CHIC2: variants seen among roughly 807,000 people sequenced by gnomAD.
CHIC2 encodes the protein cysteine-rich hydrophobic domain-containing protein 2.
Under a neutral mutation model 25.9 loss-of-function variants are expected in CHIC2, and 14 were observed. That is an observed-to-expected ratio of 0.54 (90% CI 0.36 to 0.85). CHIC2 has a LOEUF of 0.85. Ranked by LOEUF, CHIC2 falls within the 40% of genes least tolerant of loss-of-function variation. The pLI, the probability that CHIC2 is intolerant of heterozygous loss-of-function variation, is 0.01. For missense variants in CHIC2, 146 were observed against 202.0 expected, an observed-to-expected ratio of 0.72 and a Z score of 1.68; for synonymous variants, 70 against 72.0, an observed-to-expected ratio of 0.97 and a Z score of 0.14.
At chr4:54,075,310 T>G in the CHIC2 span, among the ~76,000 whole-genome samples, 1 of 152,288 alleles carries the variant, frequency 6.6e-6, no homozygotes, top group Non-Finnish European at 1.5e-5. Context: ...TAATGGACTA[T>G]GAGGTAATCT....
chr4:54,042,621 T>C (rs899806052), intron 3 of CHIC2, among the ~76,000 whole-genome samples: 12 of 152,028 alleles, frequency 7.9e-5, no homozygotes, highest in African/African-American at 2.9e-4. Flanking sequence ...AAGAGAGACA[T>C]AGCAGGCATT....
chr4:54,044,975 C>T (rs536155052), intron 3 of CHIC2, among the ~76,000 whole-genome samples: 39 of 151,358 alleles, frequency 2.6e-4, no homozygotes, highest in African/African-American at 9.2e-4. Flanking sequence ...ATATCACCAC[C>T]GATCCCACAG....
intron 3 of CHIC2, among the ~76,000 whole-genome samples, chr4:54,042,725 G>A (rs1030424823): frequency 2.0e-5 from 3 of 151,828 alleles, no homozygotes; most frequent in African/African-American, 7.3e-5. Flanking sequence ...ACGAAAAAAT[G>A]TTCTGTAGTG....
chr4:54,047,591 T>A (rs113327779), intron 3 of CHIC2, among the ~76,000 whole-genome samples: 1 of 143,656 alleles, frequency 7.0e-6, no homozygotes, highest in Non-Finnish European at 1.5e-5. Flanking sequence ...TAGGTGGGAA[T>A]TGAACAATGA....
chr4:54,016,630 C>G (rs1715745747), intron 3 of CHIC2, among the ~76,000 whole-genome samples: 1 of 151,970 alleles, frequency 6.6e-6, no homozygotes, highest in Non-Finnish European at 1.5e-5. Flanking sequence ...TGAATTAGCA[C>G]CATCTAATTT....
the CHIC2 span, among the ~76,000 whole-genome samples, chr4:54,074,998 C>A: frequency 1.9e-4 from 29 of 152,198 alleles, no homozygotes; most frequent in African/African-American, 7.0e-4. Flanking sequence ...GTAGTCCCAG[C>A]TACTCAGGAG....
intron 1 of CHIC2, among the ~76,000 whole-genome samples, chr4:54,062,302 G>A (rs563822651): frequency 6.6e-6 from 1 of 151,642 alleles, no homozygotes; most frequent in East Asian, 1.9e-4. Context: ...TTTCAATCTT[G>A]GCTACACATT....
chr4:54,053,108 A>G (rs751486657), intron 1 of CHIC2, among the ~76,000 whole-genome samples: 1 of 152,216 alleles, frequency 6.6e-6, no homozygotes, highest in Non-Finnish European at 1.5e-5. Context: ...TTATTTATGT[A>G]TCTTCAGTAT....
chr4:54,059,476 G>C (rs1227608752), intron 1 of CHIC2: 1 of 151,864 alleles, frequency 6.6e-6, no homozygotes. Flanking sequence ...AGGAGGTCAA[G>C]GCCACAGTAG....
intron 3 of CHIC2, 199 bp downstream of exon 3, chr4:54,048,756 T>C (rs1716909678): frequency 2.4e-6 from 1 of 414,878 alleles, no homozygotes; most frequent in African/African-American, 2.1e-5. Context: ...AAATTATAAA[T>C]ATAATTTTTA....
intron 3 of CHIC2, among the ~76,000 whole-genome samples, chr4:54,037,080 G>T (rs966888822): frequency 3.9e-5 from 6 of 152,056 alleles, no homozygotes; most frequent in African/African-American, 9.7e-5. Context: ...AGAAAAAGGG[G>T]CTGGCCAAGC....
chr4:54,028,554 T>C (rs548867932), intron 3 of CHIC2, among the ~76,000 whole-genome samples: 2 of 152,378 alleles, frequency 1.3e-5, no homozygotes, highest in South Asian at 4.1e-4. Flanking sequence ...GAGTAAGGAC[T>C]CAACTTTCTG....
chr4:54,023,885 G>A (rs1207938485), intron 3 of CHIC2, among the ~76,000 whole-genome samples: 5 of 152,168 alleles, frequency 3.3e-5, no homozygotes, highest in Non-Finnish European at 5.9e-5. Flanking sequence ...CCGTGCAAGG[G>A]TCCTCCATCA....
At chr4:54,034,673 T>G (rs889968101) in intron 3 of CHIC2, among the ~76,000 whole-genome samples, 1 of 152,346 alleles carries the variant, frequency 6.6e-6, no homozygotes, top group East Asian at 1.9e-4. Context: ...CTATTGAATT[T>G]TCTTCATAGA....
At chr4:54,025,685 C>A (rs1716037421) in intron 3 of CHIC2, among the ~76,000 whole-genome samples, 1 of 151,638 alleles carries the variant, frequency 6.6e-6, no homozygotes, top group Non-Finnish European at 1.5e-5. Context: ...ATGGTGAAAA[C>A]CCATGTCTAC....
At chr4:54,054,172 G>C (rs765924112) in intron 1 of CHIC2, among the ~76,000 whole-genome samples, 11 of 152,192 alleles carry the variant, frequency 7.2e-5, no homozygotes, top group Non-Finnish European at 4.4e-5. Context: ...GGTATTTTAA[G>C]ATAAGTAAAC....
the CHIC2 span, among the ~76,000 whole-genome samples, chr4:54,070,381 ATTAT>A: frequency 7.1e-3 from 1,065 of 150,202 alleles, 6 homozygotes; most frequent in African/African-American, 0.022. Context: ...GTGCATTTTT[ATTAT>A]TTATTTATTT....
chr4:54,073,776 G>A, the CHIC2 span, among the ~76,000 whole-genome samples: 3 of 152,120 alleles, frequency 2.0e-5, no homozygotes, highest in African/African-American at 7.2e-5. Flanking sequence ...GAAGAAAGAG[G>A]GACTTAGCCC....
chr4:54,046,229 G>A (rs193121573), intron 3 of CHIC2, among the ~76,000 whole-genome samples: 134 of 152,250 alleles, frequency 8.8e-4, no homozygotes, highest in African/African-American at 2.8e-3. Context: ...CACTGCCCAC[G>A]GTAATTTATA....
Sources: allele counts gnomAD v4.1 joint callset (sites outside exome capture counted in the v4.1 genomes callset), GRCh38; gene constraint gnomAD v4.1.1; transcripts MANE v1.5; gene names NCBI Gene and HGNC (gene_info 2026-07-23, HGNC 2026-07-21).